The following NUP133 variants were observed in gnomAD, a reference collection of about 807,000 sequenced individuals.
The protein encoded by NUP133 is nucleoporin 133.
Under a neutral mutation model 146.2 loss-of-function variants are expected in NUP133, and 66 were observed. The ratio of observed to expected loss-of-function variants is 0.45; its 90% CI spans 0.37 to 0.55. NUP133 has a LOEUF of 0.55. NUP133 is among the 20% of genes least tolerant of loss of function. The pLI is 0.00. For missense variants in NUP133, 1,277 were observed against 1,374.8 expected, an observed-to-expected ratio of 0.93 and a Z score of 1.12; for synonymous variants, 521 against 498.8, an observed-to-expected ratio of 1.04 and a Z score of -0.59.
intron 8 of NUP133, among the ~76,000 whole-genome samples, chr1:229,491,634 C>T (rs1661518085): frequency 6.6e-6 from 1 of 152,138 alleles, no homozygotes; most frequent in Non-Finnish European, 1.5e-5. Context: ...AAAAGTTAGC[C>T]CAGCATGGTG....
chr1:229,485,929 C>T (rs113770081), intron 11 of NUP133, among the ~76,000 whole-genome samples: 5 of 152,120 alleles, frequency 3.3e-5, no homozygotes, highest in South Asian at 4.2e-4. Context: ...TTTGGGAGGC[C>T]GAGGCGGGAG....
intron 13 of NUP133, among the ~76,000 whole-genome samples, chr1:229,477,205 C>T (rs986244986): frequency 4.6e-5 from 7 of 151,770 alleles, no homozygotes; most frequent in Admixed American, 1.3e-4. Context: ...TTTGGGAGGC[C>T]GAGGTGGGTG....
Position 229,470,566 on chromosome 1 carries a change from A to G in NUP133, c.2076+14T>C. The G allele has an allele frequency of 6.3e-7, 1 of 1,597,268 alleles. No homozygotes were observed. The highest frequency in any genetic ancestry group is 1.3e-5 in the African/African-American group (1 of 74,670). The stretch of plus-strand genomic sequence containing the variant: ...ACAGTTCTACAAAGCCACATGAAAG[A>G]GGACTCATCTTACCTCCCTGAAAAA... On this transcript the variant is annotated intron_variant, in intron 15 of 25. Transcript: ENST00000261396.
intron 20 of NUP133, among the ~76,000 whole-genome samples, chr1:229,459,807 A>G (rs974358135): frequency 2.0e-5 from 3 of 152,192 alleles, no homozygotes; most frequent in African/African-American, 7.2e-5. Flanking sequence ...TACTGTGAAA[A>G]TGCTGCAATG....
chr1:229,452,157 T>C (rs1488404313), intron 22 of NUP133, among the ~76,000 whole-genome samples: 2 of 152,210 alleles, frequency 1.3e-5, no homozygotes, highest in Non-Finnish European at 1.5e-5. Flanking sequence ...TGCTAGACCA[T>C]GTAAACTGAG....
chr1:229,481,698 CAAA>C (rs35036625), intron 12 of NUP133, among the ~76,000 whole-genome samples: 13 of 101,760 alleles, frequency 1.3e-4, no homozygotes, highest in East Asian at 6.2e-4. Flanking sequence ...GACTCTGTCT[CAAA>C]AAAAAAAAAA....
Position 229,498,202 on chromosome 1 carries a change from C to T in NUP133, c.753G>A (p.Met251Ile), listed in dbSNP as rs1331979403. The T allele has an allele frequency of 6.2e-7, 1 of 1,613,520 alleles. No homozygotes were observed. The highest frequency in any genetic ancestry group is 8.5e-7 in the Non-Finnish European group (1 of 1,179,792). The change falls in exon 6 of 26, where the codon ATG (methionine) becomes ATA (isoleucine). Residue 251 changes from methionine to isoleucine, a missense_variant. Met to Ile is a conservative substitution (Grantham distance 10, BLOSUM62 1). Transcript: ENST00000261396. The stretch of plus-strand genomic sequence containing the variant: ...AAACTTTTCGACCAATTCCTGAAAG[C>T]ATGCCTTGCCCCTGAGGCAGGATAT... ...HQHILPQGQG[M>I]LSGIGRKVSS...
intron 20 of NUP133, among the ~76,000 whole-genome samples, chr1:229,458,711 ATTTTTTTTTT>A (rs11444377): frequency 1.1e-4 from 15 of 133,068 alleles, no homozygotes; most frequent in Non-Finnish European, 2.1e-4. Flanking sequence ...GATGGACTAC[ATTTTTTTTTT>A]TTTTTTTTTG....
chr1:229,463,173 G>A (rs989228974), intron 19 of NUP133, among the ~76,000 whole-genome samples: 28 of 152,268 alleles, frequency 1.8e-4, no homozygotes, highest in African/African-American at 6.7e-4. Flanking sequence ...AGGATCGCTT[G>A]AGCCCAGGAG....
Position 229,498,136 on chromosome 1 carries a change from T to A in NUP133, c.819A>T (p.Thr273=). 1 of 1,570,390 alleles carries A rather than the reference T, an allele frequency of 6.4e-7. No individual in the cohort carries two copies. The highest frequency in any genetic ancestry group is 8.6e-7 in the Non-Finnish European group (1 of 1,162,216). ...FGILSPSSDL[T]LSSVLWDRER... Reference sequence around the variant, plus strand: ...TAAAATAGTTATTTTATAAACTTACTGTGAGATCACTACTAGGAGATAAAA... The same window carrying A: ...TAAAATAGTTATTTTATAAACTTACAGTGAGATCACTACTAGGAGATAAAA... Residue 273 remains threonine (T), a splice_region_variant and synonymous_variant, in exon 6 of 26, where the codon ACA becomes ACT. Coordinates refer to ENST00000261396, the MANE Select transcript of NUP133 (RefSeq NM_018230.3).
chr1:229,500,659 T>A, intron 4 of NUP133, 97 bp downstream of exon 4: 1 of 692,540 alleles, frequency 1.4e-6, no homozygotes, highest in Non-Finnish European at 2.4e-6. Flanking sequence ...TTCTATAGGT[T>A]TATAGTTATA....
chr1:229,506,219 T>C, intron 1 of NUP133, 61 bp from the exon 2 acceptor site: 1 of 912,570 alleles, frequency 1.1e-6, no homozygotes, highest in Non-Finnish European at 1.7e-6. Context: ...ATCCTAATTT[T>C]TTATGTATAT....
At chr1:229,459,931 C>T (rs965937986) in intron 20 of NUP133, among the ~76,000 whole-genome samples, 1 of 152,158 alleles carries the variant, frequency 6.6e-6, no homozygotes, top group Non-Finnish European at 1.5e-5. Context: ...TTTTCAGGAA[C>T]CTCCATACAG....
At chr1:229,502,843 G>A (rs1661839905) in intron 2 of NUP133, among the ~76,000 whole-genome samples, 1 of 150,536 alleles carries the variant, frequency 6.6e-6, no homozygotes, top group Admixed American at 6.6e-5. Context: ...GCACTTCCCA[G>A]CTACTAGGGT....
At chr1:229,491,553 C>T (rs1247949111) in intron 8 of NUP133, among the ~76,000 whole-genome samples, 2 of 152,150 alleles carry the variant, frequency 1.3e-5, no homozygotes, top group African/African-American at 4.8e-5. Context: ...CCGAGGTGGG[C>T]ATATCACTTC....
intron 21 of NUP133, among the ~76,000 whole-genome samples, chr1:229,457,459 G>A (rs1326537982): frequency 1.3e-5 from 2 of 152,034 alleles, no homozygotes; most frequent in Non-Finnish European, 2.9e-5. Flanking sequence ...TATAAAAACG[G>A]TAGTTACTTG....
intron 20 of NUP133, among the ~76,000 whole-genome samples, chr1:229,459,022 T>A (rs1474259739): frequency 6.6e-6 from 1 of 152,214 alleles, no homozygotes; most frequent in African/African-American, 2.4e-5. Context: ...TATTGTATAC[T>A]AATGAATTAT....
intron 14 of NUP133, among the ~76,000 whole-genome samples, chr1:229,472,318 C>CAAA (rs67522726): frequency 1.2e-5 from 1 of 83,514 alleles, no homozygotes; most frequent in African/African-American, 4.0e-5. Context: ...GACTCCGTCT[C>CAAA]AAAAAAAAAA....
Position 229,445,000 on chromosome 1 carries a change from C to A in NUP133, c.3248G>T (p.Trp1083Leu). ...ILCKALQRDN[W>L]SSSDGKDDPI... is the part of the protein sequence containing the mutation. The stretch of plus-strand genomic sequence containing the variant: ...ATCATCTTTGCCATCAGAACTGGAC[C>A]AGCTAGAAAACAAAATCATTATGAG... Residue 1083 changes from tryptophan (W) to leucine (L), a missense_variant and splice_region_variant, in exon 25 of 26, where the codon TGG becomes TTG. Trp to Leu is a moderately conservative substitution (Grantham distance 61, BLOSUM62 -2). This residue lies in a region of NUP133 where 952 missense variants were observed against 1,047.0 expected (regional missense o/e 0.91). Transcript: ENST00000261396. 5 of 1,605,088 alleles carry A rather than the reference C, an allele frequency of 3.1e-6. No individual in the cohort carries two copies. The highest frequency in any genetic ancestry group is 4.3e-6 in the Non-Finnish European group (5 of 1,174,350).
Sources: gnomAD v4.1 joint callset for allele counts (sites outside exome capture counted in the v4.1 genomes callset) on GRCh38, gnomAD v4.1.1 for gene constraint, gnomAD v4.1.1 regional missense constraint, MANE v1.5 for transcripts, NCBI Gene and HGNC (gene_info 2026-07-23, HGNC 2026-07-21) for gene names.